TMBIM4: variants seen among roughly 807,000 people sequenced by gnomAD.
The protein encoded by TMBIM4 is protein lifeguard 4.
In TMBIM4, 28 loss-of-function variants were observed where a neutral mutation model predicts 27.7. The observed-to-expected ratio is 1.01, with a 90% CI of 0.75 to 1.38. TMBIM4 has a LOEUF of 1.38. TMBIM4 is among the 40% of genes most tolerant of loss of function. The probability of loss-of-function intolerance (pLI) is 0.00; values close to 1 mark genes in which losing one functional copy is unlikely to be tolerated. For synonymous variants in TMBIM4, 115 were observed against 113.1 expected (o/e 1.02, Z -0.11); for missense variants, 265 against 277.5 (o/e 0.95, Z 0.32).
At chr12:66,169,726 G>C (rs1240508615) in intron 1 of TMBIM4, 129 bp downstream of exon 1, 2 of 652,962 alleles carry the variant, frequency 3.1e-6, no homozygotes, top group African/African-American at 3.9e-5. Flanking sequence ...AAGGAGGGCC[G>C]GGAGCTCAGT....
intron 1 of TMBIM4, among the ~76,000 whole-genome samples, chr12:66,165,251 A>G (rs1327813928): frequency 6.6e-6 from 1 of 152,138 alleles, no homozygotes; most frequent in Non-Finnish European, 1.5e-5. Flanking sequence ...CAAATTGCCA[A>G]AACAATATCT....
At chr12:66,140,464 CAA>C (rs1303444369) in intron 5 of TMBIM4, among the ~76,000 whole-genome samples, 1 of 151,610 alleles carries the variant, frequency 6.6e-6, no homozygotes, top group Non-Finnish European at 1.5e-5. Context: ...GAGAAAAAGA[CAA>C]AGAAAAACAA....
chr12:66,149,882 A>C (rs1301631829), intron 3 of TMBIM4, among the ~76,000 whole-genome samples: 1 of 108,560 alleles, frequency 9.2e-6, no homozygotes, highest in African/African-American at 4.3e-5. Flanking sequence ...GTCTATGTGC[A>C]TGCATACACA....
chr12:66,156,074 T>C (rs568490672), intron 1 of TMBIM4, among the ~76,000 whole-genome samples: 2 of 152,102 alleles, frequency 1.3e-5, no homozygotes, highest in East Asian at 3.9e-4. Flanking sequence ...ATAAGCCAAA[T>C]CCCAGGCAAA....
At chr12:66,145,671 T>C (rs538790674) in intron 5 of TMBIM4, among the ~76,000 whole-genome samples, 170 bp downstream of exon 5, 1 of 152,280 alleles carries the variant, frequency 6.6e-6, no homozygotes, top group East Asian at 1.9e-4. Flanking sequence ...TTTCCATTTC[T>C]GTGTATGTTC....
At chr12:66,157,951 GCA>G (rs2051963925) in intron 1 of TMBIM4, among the ~76,000 whole-genome samples, 1 of 152,210 alleles carries the variant, frequency 6.6e-6, no homozygotes, top group Non-Finnish European at 1.5e-5. Flanking sequence ...GATGGGCCAG[GCA>G]TGGTGGCTCA....
rs2051578181 is a variant in TMBIM4 at position 66,136,110 on chromosome 12, A to G, written c.*1850T>C. On this transcript the variant is annotated 3_prime_UTR_variant, in exon 7 of 7. Transcript: ENST00000358230. ...AAAAAAAAAAAAGAAAATGGTATTA[A>G]TACCATCAGCTGACATTAATTAAGC... 6.7e-6 allele frequency: 1 copy of G among 148,320 alleles called. No homozygotes were observed. The highest frequency in any genetic ancestry group is 1.5e-5 in the Non-Finnish European group (1 of 66,978). 9.2% of individuals were successfully genotyped at this position (148,320 alleles called of 1,614,324 possible).
chr12:66,169,805 C>G lies in TMBIM4; in HGVS notation c.97+50G>C, dbSNP rs546269036. ...AAGCCGGAAGTCGGCTTCTAGAGGC[C>G]GAGCAGTGCAGACAAGCGGCTGGGA... On this transcript the variant is annotated intron_variant, in intron 1 of 6. Transcript: ENST00000358230. 1.1e-5 allele frequency: 15 copies of G among 1,394,734 alleles called. No homozygotes were observed. The South Asian group carries it at 1.7e-4, about 16-fold the overall frequency. The allele number at this position is 1,394,734 out of a possible 1,614,324, so 86.4% of individuals were successfully genotyped here. A position where few individuals can be genotyped will look rare whatever the true frequency, so the allele number is the denominator to read the frequency against.
At chr12:66,166,031 T>C (rs918195256) in intron 1 of TMBIM4, among the ~76,000 whole-genome samples, 9 of 152,242 alleles carry the variant, frequency 5.9e-5, no homozygotes, top group African/African-American at 2.2e-4. Flanking sequence ...AAGAGTTTTA[T>C]AGTTTTAGGT....
At chr12:66,158,369 A>G (rs926343896) in intron 1 of TMBIM4, among the ~76,000 whole-genome samples, 1 of 148,000 alleles carries the variant, frequency 6.8e-6, no homozygotes, top group Non-Finnish European at 1.5e-5. Flanking sequence ...GGCCGGGTGC[A>G]GTGGCTCATG....
intron 1 of TMBIM4, among the ~76,000 whole-genome samples, chr12:66,168,313 C>G (rs1592560285): frequency 6.6e-6 from 1 of 150,516 alleles, no homozygotes; most frequent in East Asian, 2.0e-4. Context: ...CACAAAAAAA[C>G]AAATACTGAT....
intron 1 of TMBIM4, among the ~76,000 whole-genome samples, chr12:66,166,483 A>C (rs945327126): frequency 2.0e-5 from 3 of 146,966 alleles, no homozygotes; most frequent in Non-Finnish European, 4.4e-5. Context: ...AAAAAAAAAA[A>C]AGAAAAAGAA....
chr12:66,150,315 C>T (rs2051823954), intron 3 of TMBIM4, among the ~76,000 whole-genome samples: 1 of 152,164 alleles, frequency 6.6e-6, no homozygotes, highest in African/African-American at 2.4e-5. Flanking sequence ...TATTGACTAA[C>T]AGCCTACAAT....
At chr12:66,138,642 G>A (rs2051616260) in intron 6 of TMBIM4, 82 bp downstream of exon 6, 2 of 995,656 alleles carry the variant, frequency 2.0e-6, no homozygotes, top group Admixed American at 2.8e-5. Flanking sequence ...TATCATAAGA[G>A]TATCTCTTAT....
At chr12:66,149,461 A>AG (rs1555199139) in intron 3 of TMBIM4, among the ~76,000 whole-genome samples, 4 of 151,168 alleles carry the variant, frequency 2.6e-5, no homozygotes, top group East Asian at 3.9e-4. Context: ...AAAAAAAAAA[A>AG]AAAGAAAGAA....
intron 1 of TMBIM4, among the ~76,000 whole-genome samples, chr12:66,165,603 G>A (rs1490567543): frequency 6.6e-6 from 1 of 151,750 alleles, no homozygotes; most frequent in Non-Finnish European, 1.5e-5. Flanking sequence ...TCTTTAGTGG[G>A]GTATGTGTTC....
Position 66,153,368 on chromosome 12 carries a change from C to CA in TMBIM4, c.177dup (p.Glu60Ter), listed in dbSNP as rs750930866. ...TCATGTACAAATGTCCGTACAGACT[C>CA]AAAGTATAAAAAAACTGTTGAAGTC... is the stretch of plus-strand genomic sequence containing the variant. On this transcript the variant is annotated frameshift_variant, in exon 2 of 7. Transcript: ENST00000358230. LOFTEE classifies it high-confidence loss of function. 5 of 1,594,488 alleles carry CA rather than the reference C, an allele frequency of 3.1e-6. No homozygotes were observed. Among genetic ancestry groups the CA allele is most frequent in the Admixed American group, 3.6e-5 (2 of 56,200 alleles).
chr12:66,162,556 T>C lies in TMBIM4; in HGVS notation c.97+7299A>G, dbSNP rs114338658. Among the ~76,000 whole-genome samples the C allele has an allele frequency of 4.2e-3, 633 of 152,286 alleles. 8 individuals carry two copies. The highest frequency in any genetic ancestry group is 0.015 in the African/African-American group (605 of 41,552). On this transcript the variant is annotated intron_variant, in intron 1 of 6. Coordinates refer to ENST00000358230, the MANE Select transcript of TMBIM4 (RefSeq NM_016056.4). ...CGGGGGAAAACTCATTTGGGGTGAATAGCCTGGTTTTACCTAGCAGCTGCT... is the reference window on the plus strand; with the variant it reads ...CGGGGGAAAACTCATTTGGGGTGAACAGCCTGGTTTTACCTAGCAGCTGCT...
rs989670703 is a variant in TMBIM4, at chr12:66,142,573, T to C, written c.464+3268A>G. On this transcript the variant is annotated intron_variant, in intron 5 of 6. Coordinates refer to ENST00000358230, the MANE Select transcript of TMBIM4 (RefSeq NM_016056.4). The stretch of plus-strand genomic sequence containing the variant: ...ACATGACACCTACACACACAGTGGG[T>C]TGTGTTACAAGAGAGGAACCTTGAA... Among the ~76,000 whole-genome samples, 9 of 151,602 alleles carry C rather than the reference T, an allele frequency of 5.9e-5. 1 individual carries two copies. Among genetic ancestry groups the C allele is most frequent in the Admixed American group, 5.9e-4 (9 of 15,176 alleles).
Sources: allele counts gnomAD v4.1 joint callset (sites outside exome capture counted in the v4.1 genomes callset), GRCh38; gene constraint gnomAD v4.1.1; transcripts MANE v1.5; gene names NCBI Gene and HGNC (gene_info 2026-07-23, HGNC 2026-07-21).